The following KIAA1217 variants were observed in gnomAD, a reference collection of about 807,000 sequenced individuals.
KIAA1217 encodes the protein KIAA1217, also known as sickle tail protein homolog.
KIAA1217 carries 88 observed loss-of-function variants against 163.9 expected under a neutral mutation model. The observed-to-expected ratio is 0.54, with a 90% CI of 0.45 to 0.64. The LOEUF (loss-of-function observed/expected upper bound fraction) is 0.64. Among genes scored for constraint, KIAA1217 ranks in the 30% least tolerant of loss-of-function variants. The pLI, the probability that KIAA1217 is intolerant of heterozygous loss-of-function variation, is 0.00. For synonymous variants in KIAA1217, 903 were observed against 923.1 expected (o/e 0.98, Z 0.39); for missense variants, 2,372 against 2,475.0 (o/e 0.96, Z 0.88).
rs1395496943 is a variant in KIAA1217 at position 24,520,225 on chromosome 10, A to G, written c.2280A>G (p.Gln760=). 1.2e-6 allele frequency: 2 copies of G among 1,614,148 alleles called. No individual in the cohort carries two copies. The highest frequency in any genetic ancestry group is 8.5e-7 in the Non-Finnish European group (1 of 1,180,006). Residue 760 remains glutamine (Q), a synonymous_variant, in exon 11 of 21, where the codon CAA becomes CAG. Transcript: ENST00000376454. ...AAGACGGGGCTTTCCTCCTGCGTCA[A>G]GTGGGAGAGGCTGTAGCTACCCTGA... The part of the protein sequence containing the change: ...DVEDGAFLLR[Q]VGEAVATLKG...
At chr10:24,451,278 T>G (rs2132287969) in intron 5 of KIAA1217, among the ~76,000 whole-genome samples, 1 of 152,342 alleles carries the variant, frequency 6.6e-6, no homozygotes, top group South Asian at 2.1e-4. Context: ...GAATGGAGAC[T>G]GGCTAACTGT....
At chr10:24,470,981 C>T (rs1243338315) in intron 5 of KIAA1217, among the ~76,000 whole-genome samples, 1 of 152,126 alleles carries the variant, frequency 6.6e-6, no homozygotes, top group Non-Finnish European at 1.5e-5. Flanking sequence ...TGGGAGTTTC[C>T]ATGGAACTTG....
chr10:24,094,359 G>T (rs942114976), intron 2 of KIAA1217, among the ~76,000 whole-genome samples: 1 of 152,100 alleles, frequency 6.6e-6, no homozygotes, highest in South Asian at 2.1e-4. Context: ...CATCTTTGTG[G>T]TTTTATCTAC....
intron 1 of KIAA1217, among the ~76,000 whole-genome samples, chr10:23,924,297 GA>G (rs1842947593): frequency 6.6e-6 from 1 of 151,964 alleles, no homozygotes; most frequent in African/African-American, 2.4e-5. Flanking sequence ...GAAAGTTGAT[GA>G]AAATCTTGGA....
chr10:23,742,309 T>G (rs763836431), intron 1 of KIAA1217, among the ~76,000 whole-genome samples: 2 of 152,158 alleles, frequency 1.3e-5, no homozygotes, highest in Non-Finnish European at 2.9e-5. Context: ...TAGAAGAGTG[T>G]GACATCTTGG....
chr10:24,343,408 T>C (rs894940867), intron 2 of KIAA1217, among the ~76,000 whole-genome samples: 3 of 152,244 alleles, frequency 2.0e-5, no homozygotes, highest in Non-Finnish European at 4.4e-5. Flanking sequence ...TAGTCAATTT[T>C]GTGTTTGTGC....
intron 9 of KIAA1217, among the ~76,000 whole-genome samples, chr10:24,507,909 G>A (rs1453814963): frequency 2.6e-5 from 4 of 152,300 alleles, no homozygotes; most frequent in African/African-American, 9.6e-5. Context: ...AAGAATTAAT[G>A]CCAACTTCTC....
intron 2 of KIAA1217, among the ~76,000 whole-genome samples, chr10:24,256,019 C>A (rs554400923): frequency 6.8e-5 from 9 of 132,428 alleles, no homozygotes; most frequent in African/African-American, 2.6e-4. Context: ...AAGCCGAGTG[C>A]TGCCGATTAA....
intron 2 of KIAA1217, among the ~76,000 whole-genome samples, chr10:24,082,572 C>T (rs1330632233): frequency 6.6e-6 from 1 of 152,158 alleles, no homozygotes; most frequent in East Asian, 1.9e-4. Context: ...AGAGGACATG[C>T]TCTTTTTCCT....
At chr10:24,187,283 T>A (rs750662352) in intron 2 of KIAA1217, among the ~76,000 whole-genome samples, 4 of 152,214 alleles carry the variant, frequency 2.6e-5, no homozygotes, top group Non-Finnish European at 4.4e-5. Context: ...TTTGCTCATA[T>A]AACCTTTGTA....
chr10:23,925,104 G>A (rs1236596212), intron 1 of KIAA1217, among the ~76,000 whole-genome samples: 1 of 152,078 alleles, frequency 6.6e-6, no homozygotes, highest in African/African-American at 2.4e-5. Context: ...TAGAAATGTG[G>A]AAGAAGAAGA....
chr10:23,924,165 CT>C (rs5783868), intron 1 of KIAA1217, among the ~76,000 whole-genome samples: 31,333 of 139,792 alleles, frequency 0.22, 7,836 homozygotes, highest in African/African-American at 0.62. Flanking sequence ...TACTCTGATT[CT>C]TTTTTTTTTT....
chr10:24,520,767 G>C (rs2071110450), intron 11 of KIAA1217, among the ~76,000 whole-genome samples: 1 of 148,274 alleles, frequency 6.7e-6, no homozygotes, highest in South Asian at 2.1e-4. Flanking sequence ...GATCTCTTGA[G>C]CCTGTGAGGT....
chr10:23,716,795 G>T (rs577496922), intron 1 of KIAA1217, among the ~76,000 whole-genome samples: 1 of 152,220 alleles, frequency 6.6e-6, no homozygotes, highest in African/African-American at 2.4e-5. Context: ...GTTTATTAAA[G>T]ATTTCTTTCT....
At chr10:23,863,234 G>A (rs747473554) in intron 1 of KIAA1217, among the ~76,000 whole-genome samples, 99 of 152,164 alleles carry the variant, frequency 6.5e-4, no homozygotes, top group Non-Finnish European at 1.2e-3. Flanking sequence ...GCATATTAAC[G>A]ATTGTTACAT....
At chr10:24,406,120 T>C (rs1373509259) in intron 3 of KIAA1217, among the ~76,000 whole-genome samples, 1 of 152,184 alleles carries the variant, frequency 6.6e-6, no homozygotes, top group Non-Finnish European at 1.5e-5. Flanking sequence ...TGTGAAGCCA[T>C]GTGTCCCAGG....
At chr10:23,705,143 T>A (rs186431665) in intron 1 of KIAA1217, among the ~76,000 whole-genome samples, 1 of 152,304 alleles carries the variant, frequency 6.6e-6, no homozygotes, top group Non-Finnish European at 1.5e-5. Flanking sequence ...AATTGGTTTG[T>A]CTTTTTATTA....
chr10:23,832,384 C>A (rs1441071754), intron 1 of KIAA1217, among the ~76,000 whole-genome samples: 12 of 152,298 alleles, frequency 7.9e-5, no homozygotes, highest in African/African-American at 2.2e-4. Context: ...CCGGAACTTC[C>A]ATGTTTTCAC....
intron 2 of KIAA1217, among the ~76,000 whole-genome samples, chr10:24,366,109 C>CA (rs58806776): frequency 2.0e-4 from 30 of 152,010 alleles, no homozygotes; most frequent in African/African-American, 6.8e-4. Flanking sequence ...TTTTAAGTCA[C>CA]AAAAAAATAT....
Sources: gnomAD v4.1 joint callset for allele counts (sites outside exome capture counted in the v4.1 genomes callset) on GRCh38, gnomAD v4.1.1 for gene constraint, MANE v1.5 for transcripts, NCBI Gene and HGNC (gene_info 2026-07-23, HGNC 2026-07-21) for gene names.